NBAS: variants seen among roughly 807,000 people sequenced by gnomAD.
NBAS encodes NAG/BC035112 fusion.
NBAS carries 219 observed loss-of-function variants against 302.5 expected under a neutral mutation model. The ratio of observed to expected loss-of-function variants is 0.72; its 90% CI spans 0.65 to 0.81. The LOEUF is 0.81. Among genes scored for constraint, NBAS ranks in the 30% least tolerant of loss-of-function variants. NBAS has a pLI of 0.00. For missense variants in NBAS, 2,932 were observed against 2,841.6 expected (o/e 1.03, Z -0.72); for synonymous variants, 1,118 against 1,021.6 (o/e 1.09, Z -1.80).
At chr2:15,103,056 GAAGGA>G in the NBAS span, among the ~76,000 whole-genome samples, 1 of 132,772 alleles carries the variant, frequency 7.5e-6, no homozygotes, top group African/African-American at 2.7e-5. Context: ...GGGAGGGAGG[GAAGGA>G]AGGGAGGGAG....
At chr2:15,380,473 G>A (rs888576872) in intron 29 of NBAS, among the ~76,000 whole-genome samples, 1 of 151,988 alleles carries the variant, frequency 6.6e-6, no homozygotes, top group Non-Finnish European at 1.5e-5. Context: ...GAACTAAATA[G>A]CCACTCCACA....
At chr2:14,807,316 G>T in the NBAS span, among the ~76,000 whole-genome samples, 2 of 152,126 alleles carry the variant, frequency 1.3e-5, no homozygotes, top group Admixed American at 6.5e-5. Flanking sequence ...TTTTCCTGGG[G>T]TTTCTCTTGT....
intron 35 of NBAS, among the ~76,000 whole-genome samples, chr2:15,335,569 T>C (rs911769361): frequency 1.3e-5 from 2 of 152,218 alleles, no homozygotes; most frequent in African/African-American, 4.8e-5. Flanking sequence ...AACGTGCACC[T>C]CGCCAGGACT....
the NBAS span, among the ~76,000 whole-genome samples, chr2:14,826,513 C>A: frequency 2.0e-5 from 3 of 152,156 alleles, no homozygotes; most frequent in African/African-American, 7.2e-5. Context: ...AAATTCAGTT[C>A]GTAGATGTGG....
At chr2:14,838,490 A>T in the NBAS span, among the ~76,000 whole-genome samples, 19 of 151,982 alleles carry the variant, frequency 1.3e-4, no homozygotes, top group African/African-American at 4.6e-4. Flanking sequence ...ATATATGCTA[A>T]GCATCACTAT....
chr2:14,820,693 C>T, the NBAS span, among the ~76,000 whole-genome samples: 104 of 151,986 alleles, frequency 6.8e-4, 1 homozygote, highest in Non-Finnish European at 1.3e-3. Flanking sequence ...ATGTGAGAAA[C>T]CATTCAGGAA....
At chr2:15,358,762 G>A (rs145984991) in intron 32 of NBAS, among the ~76,000 whole-genome samples, 1,594 of 152,186 alleles carry the variant, frequency 0.01, 10 homozygotes, top group Non-Finnish European at 0.017. Context: ...ATTTTTATTA[G>A]GTGAGGAGCC....
At chr2:14,874,693 A>C in the NBAS span, among the ~76,000 whole-genome samples, 2 of 150,872 alleles carry the variant, frequency 1.3e-5, no homozygotes, top group Non-Finnish European at 3.0e-5. Flanking sequence ...ACAAACCATT[A>C]TCTCTCCAAG....
intron 35 of NBAS, among the ~76,000 whole-genome samples, chr2:15,340,491 AAC>A (rs1672796580): frequency 6.6e-6 from 1 of 152,178 alleles, no homozygotes; most frequent in Admixed American, 6.5e-5. Flanking sequence ...GTTCAATTTT[AAC>A]ATATTGAGAT....
chr2:15,552,127 A>T (rs1309679061), intron 5 of NBAS, among the ~76,000 whole-genome samples: 1 of 152,252 alleles, frequency 6.6e-6, no homozygotes, highest in Non-Finnish European at 1.5e-5. Flanking sequence ...AATAACAATT[A>T]TCCAAAACCT....
At chr2:14,923,490 G>A in the NBAS span, among the ~76,000 whole-genome samples, 1 of 152,114 alleles carries the variant, frequency 6.6e-6, no homozygotes, top group African/African-American at 2.4e-5. Context: ...TGTGACAAAT[G>A]CCAGGCCAGC....
At position 15,210,681 on chromosome 2, in the gene NBAS, T is replaced by C. The variant is rs571547658; in HGVS notation, c.6432+8092A>G. Among the ~76,000 whole-genome samples the C allele has an allele frequency of 2.6e-5, 4 of 152,300 alleles. No homozygotes were observed. In the East Asian group the frequency reaches 7.7e-4, roughly 29 times the overall value. The stretch of plus-strand genomic sequence containing the variant: ...AGAGATAGCTGCACTCCCATGTCTA[T>C]TGCAACACTGTTCACAACAGCCACA... On this transcript the variant is annotated intron_variant, in intron 48 of 51. Coordinates refer to ENST00000281513, the MANE Select transcript of NBAS (RefSeq NM_015909.4).
chr2:15,192,095 C>A (rs1489288324), intron 48 of NBAS, among the ~76,000 whole-genome samples: 1 of 152,206 alleles, frequency 6.6e-6, no homozygotes, highest in Non-Finnish European at 1.5e-5. Flanking sequence ...ATCTCCTTCA[C>A]CCTGTTTCAT....
At chr2:15,223,744 G>A (rs947989210) in intron 47 of NBAS, among the ~76,000 whole-genome samples, 1 of 151,392 alleles carries the variant, frequency 6.6e-6, no homozygotes, top group African/African-American at 2.4e-5. Flanking sequence ...CAGGAGAATC[G>A]CTTGAACTAG....
At chr2:15,122,745 A>G in the NBAS span, among the ~76,000 whole-genome samples, 1 of 152,170 alleles carries the variant, frequency 6.6e-6, no homozygotes, top group Admixed American at 6.5e-5. Flanking sequence ...TAAAATAAGG[A>G]CTAAACAAAT....
chr2:15,143,861 G>A, the NBAS span, among the ~76,000 whole-genome samples: 1 of 151,566 alleles, frequency 6.6e-6, no homozygotes, highest in Non-Finnish European at 1.5e-5. Flanking sequence ...AGGGAGACTC[G>A]CCTAGCCTCC....
Position 15,478,075 on chromosome 2 carries a change from A to C in NBAS, c.1147+151T>G, listed in dbSNP as rs540162112. ...GAAAGCCTGACCATCAGAAAACTGG[A>C]TCTGTTGCCTTGACCCAACTCTATG... On this transcript the variant is annotated intron_variant, in intron 13 of 51. Transcript: ENST00000281513. 8.8e-5 allele frequency: 27 copies of C among 306,532 alleles called. No homozygotes were observed. The East Asian group carries it at 1.0e-3, about 12-fold the overall frequency. The allele number at this position is 306,532 out of a possible 1,614,324, so 19.0% of individuals were successfully genotyped here.
chr2:14,935,625 T>C, the NBAS span, among the ~76,000 whole-genome samples: 1 of 152,050 alleles, frequency 6.6e-6, no homozygotes, highest in Non-Finnish European at 1.5e-5. Context: ...ATGCCAATAA[T>C]CCCTCCCCTT....
At chr2:14,975,633 T>C in the NBAS span, among the ~76,000 whole-genome samples, 3 of 152,188 alleles carry the variant, frequency 2.0e-5, no homozygotes, top group Non-Finnish European at 2.9e-5. Context: ...CAAAAAACAC[T>C]GTCAATGCAC....
Sources: allele counts gnomAD v4.1 joint callset (sites outside exome capture counted in the v4.1 genomes callset), GRCh38; gene constraint gnomAD v4.1.1; transcripts MANE v1.5; gene names NCBI Gene and HGNC (gene_info 2026-07-23, HGNC 2026-07-21).